Variants in NUP98 observed in about 807,000 individuals in gnomAD.
NUP98 encodes the protein nuclear pore complex protein Nup98-Nup96.
NUP98 carries 26 observed loss-of-function variants against 191.9 expected under a neutral mutation model. The observed-to-expected ratio is 0.14, with a 90% CI of 0.10 to 0.19. The LOEUF is 0.19. NUP98 is among the 10% of genes least tolerant of loss of function. NUP98 has a pLI of 1.00. For synonymous variants in NUP98, 808 were observed against 778.4 expected (o/e 1.04, Z -0.63); for missense variants, 1,941 against 2,178.8 (o/e 0.89, Z 2.17).
chr11:3,705,368 A>AT lies in NUP98; in HGVS notation c.2926-13dup. 6.2e-7 allele frequency: 1 copy of AT among 1,613,454 alleles called. No individual in the cohort carries two copies. Among genetic ancestry groups the AT allele is most frequent in the South Asian group, 1.1e-5 (1 of 91,058 alleles). ...GATGCTTTCATGATCTAAAAAGGCA[A>AT]TATCTATAGAATGAATGTGCTTCCC... On this transcript the variant is annotated splice_polypyrimidine_tract_variant and intron_variant, in intron 21 of 32. Transcript: ENST00000324932.
chr11:3,697,170 G>C (rs2078535242), intron 25 of NUP98: 1 of 151,834 alleles, frequency 6.6e-6, no homozygotes, highest in Non-Finnish European at 1.5e-5. Context: ...CCAGCACTTT[G>C]GGAGGCTGAG....
chr11:3,749,265 A>G (rs4910536), intron 11 of NUP98, among the ~76,000 whole-genome samples: 10,429 of 151,600 alleles, frequency 0.069, 374 homozygotes, highest in Middle Eastern at 0.1. Context: ...CCGAGATTGC[A>G]CCACTGCAGT....
chr11:3,699,380 G>C (rs780440534), intron 24 of NUP98, 32 bp from the exon 25 acceptor site: 4 of 1,607,790 alleles, frequency 2.5e-6, no homozygotes, highest in Non-Finnish European at 3.4e-6. Context: ...AATGTTACGA[G>C]ACAAAGTCTT....
intron 1 of NUP98, among the ~76,000 whole-genome samples, chr11:3,794,178 A>G (rs2082451384): frequency 6.6e-6 from 1 of 152,286 alleles, no homozygotes; most frequent in South Asian, 2.1e-4. Flanking sequence ...TCTGGCCCAA[A>G]GTCTCAAAGT....
At chr11:3,678,713 C>T (rs955284447) in intron 31 of NUP98, among the ~76,000 whole-genome samples, 2 of 152,062 alleles carry the variant, frequency 1.3e-5, no homozygotes, top group Non-Finnish European at 2.9e-5. Flanking sequence ...AGGAGTAAGG[C>T]AGGAAAGGTA....
chr11:3,733,265 A>C (rs1589832241), intron 13 of NUP98, among the ~76,000 whole-genome samples: 2 of 152,290 alleles, frequency 1.3e-5, no homozygotes, highest in East Asian at 3.9e-4. Context: ...ATATCATACA[A>C]ATGAAATCAT....
chr11:3,774,276 G>A (rs961477349), intron 5 of NUP98, among the ~76,000 whole-genome samples: 1 of 152,032 alleles, frequency 6.6e-6, no homozygotes, highest in African/African-American at 2.4e-5. Flanking sequence ...GCCAGGCGTG[G>A]TAGCGTGCAC....
At chr11:3,732,130 C>T (rs771226226) in intron 13 of NUP98, among the ~76,000 whole-genome samples, 8 of 152,266 alleles carry the variant, frequency 5.3e-5, no homozygotes, top group Non-Finnish European at 1.2e-4. Context: ...CACCTGTAAT[C>T]CCAGCTACTG....
Position 3,699,154 on chromosome 11 carries a change from G to A in NUP98, c.3937C>T (p.Pro1313Ser). 1 of 1,613,954 alleles carries A rather than the reference G, an allele frequency of 6.2e-7. No homozygotes were observed. The highest frequency in any genetic ancestry group is 1.1e-5 in the South Asian group (1 of 91,078). Residue 1313 changes from proline to serine, a missense_variant, in exon 25 of 33, where the codon CCT becomes TCT. Pro to Ser is a moderately conservative substitution (Grantham distance 74, BLOSUM62 -1). Transcript: ENST00000324932. Reference sequence around the variant, plus strand: ...AGGTAGCTGAATACAGCCTCCACAGGGCTGTTTTTTTGGGTTAAGGAGACT... The same window carrying A: ...AGGTAGCTGAATACAGCCTCCACAGAGCTGTTTTTTTGGGTTAAGGAGACT... ...EEVSLTQKNS[P>S]VEAVFSYLTG... is the part of the protein sequence containing the mutation.
chr11:3,789,323 T>C (rs1041187244), intron 1 of NUP98, among the ~76,000 whole-genome samples: 30 of 152,178 alleles, frequency 2.0e-4, no homozygotes, highest in African/African-American at 7.2e-4. Flanking sequence ...TTAAGTGTCA[T>C]CCACTGATCA....
At chr11:3,782,848 G>A (rs745914897) in intron 1 of NUP98, among the ~76,000 whole-genome samples, 2 of 152,108 alleles carry the variant, frequency 1.3e-5, no homozygotes, top group African/African-American at 2.4e-5. Flanking sequence ...GCAAACCACC[G>A]CACCCGGCCA....
intron 11 of NUP98, among the ~76,000 whole-genome samples, chr11:3,751,342 G>A (rs948579285): frequency 1.3e-5 from 2 of 151,488 alleles, no homozygotes; most frequent in African/African-American, 4.9e-5. Flanking sequence ...TGGGTAACAA[G>A]AGCAAAACTC....
At chr11:3,686,855 T>C (rs2078147576) in intron 28 of NUP98, among the ~76,000 whole-genome samples, 1 of 152,094 alleles carries the variant, frequency 6.6e-6, no homozygotes. Context: ...GGTGTGGTAG[T>C]GCATGCCTGT....
chr11:3,796,790 A>C (rs1188972019), intron 1 of NUP98, among the ~76,000 whole-genome samples: 1 of 152,186 alleles, frequency 6.6e-6, no homozygotes, highest in Non-Finnish European at 1.5e-5. Flanking sequence ...GATTGACTTA[A>C]ACAATTTCTA....
intron 14 of NUP98, 71 bp from the exon 15 acceptor site, chr11:3,725,290 T>A: frequency 1.4e-6 from 1 of 712,200 alleles, no homozygotes; most frequent in Non-Finnish European, 2.4e-6. Flanking sequence ...GACATTATCT[T>A]AAAAACTGGA....
intron 8 of NUP98, among the ~76,000 whole-genome samples, chr11:3,763,240 T>C (rs767066427): frequency 6.6e-6 from 1 of 152,176 alleles, no homozygotes; most frequent in Non-Finnish European, 1.5e-5. Flanking sequence ...ATTTTAAAAC[T>C]TGCCCAAGGT....
intron 20 of NUP98, among the ~76,000 whole-genome samples, chr11:3,708,054 T>C (rs536824312): frequency 1.2e-4 from 18 of 152,078 alleles, no homozygotes; most frequent in African/African-American, 4.3e-4. Context: ...TGAGCCAAGA[T>C]TGTGCCACTG....
intron 10 of NUP98, among the ~76,000 whole-genome samples, chr11:3,758,127 C>G (rs1329389941): frequency 6.6e-6 from 1 of 151,716 alleles, no homozygotes; most frequent in Non-Finnish European, 1.5e-5. Flanking sequence ...ACCATCCTGG[C>G]TAACATGGAG....
At chr11:3,693,496 T>C in intron 26 of NUP98, 121 bp from the exon 27 acceptor site, 1 of 991,680 alleles carries the variant, frequency 1.0e-6, no homozygotes, top group Non-Finnish European at 1.5e-6. Flanking sequence ...AGATATAAAA[T>C]ATACAAATAT....
Sources: gnomAD v4.1 joint callset for allele counts (sites outside exome capture counted in the v4.1 genomes callset) on GRCh38, gnomAD v4.1.1 for gene constraint, MANE v1.5 for transcripts, NCBI Gene and HGNC (gene_info 2026-07-23, HGNC 2026-07-21) for gene names.